The following EVI5 variants were observed in gnomAD, a reference collection of about 807,000 sequenced individuals.
EVI5 encodes the protein ecotropic viral integration site 5 protein homolog.
EVI5 carries 73 observed loss-of-function variants against 112.0 expected under a neutral mutation model. That is an observed-to-expected ratio of 0.65 (90% confidence interval 0.54 to 0.79). EVI5 has a LOEUF of 0.79. Ranked by LOEUF, EVI5 falls within the 30% of genes least tolerant of loss-of-function variation. EVI5 has a pLI of 0.00. For missense variants in EVI5, 900 were observed against 968.8 expected, an observed-to-expected ratio of 0.93 and a Z score of 0.94; for synonymous variants, 305 against 319.9, an observed-to-expected ratio of 0.95 and a Z score of 0.50.
At chr1:92,547,069 T>A (rs1304980321) in intron 19 of EVI5, among the ~76,000 whole-genome samples, 2 of 152,158 alleles carry the variant, frequency 1.3e-5, no homozygotes, top group Non-Finnish European at 2.9e-5. Context: ...CACTTCACAC[T>A]TATTCCAAAA....
intron 2 of EVI5, among the ~76,000 whole-genome samples, chr1:92,721,472 A>C (rs945183528): frequency 6.6e-6 from 1 of 152,174 alleles, no homozygotes; most frequent in Non-Finnish European, 1.5e-5. Flanking sequence ...GTGGGAATTG[A>C]ACAATGAAAA....
intron 1 of EVI5, among the ~76,000 whole-genome samples, chr1:92,780,708 T>C (rs777432214): frequency 2.5e-4 from 38 of 151,964 alleles, no homozygotes; most frequent in Non-Finnish European, 4.3e-4. Context: ...GACGTCTATA[T>C]AGAAAAAAGT....
chr1:92,661,564 TG>T (rs759989934), intron 13 of EVI5, among the ~76,000 whole-genome samples: 4 of 152,116 alleles, frequency 2.6e-5, no homozygotes, highest in East Asian at 1.9e-4. Context: ...AATCCACAAT[TG>T]TTTTTTTCTT....
chr1:92,659,673 G>T (rs565992425), intron 13 of EVI5, among the ~76,000 whole-genome samples: 1 of 152,082 alleles, frequency 6.6e-6, no homozygotes, highest in African/African-American at 2.4e-5. Flanking sequence ...TATGACAAAT[G>T]GTATGGAGAT....
intron 11 of EVI5, among the ~76,000 whole-genome samples, chr1:92,665,637 C>T (rs1041588787): frequency 2.6e-5 from 4 of 152,144 alleles, no homozygotes; most frequent in African/African-American, 9.7e-5. Flanking sequence ...TCAGAATGGA[C>T]TCCCAACTAA....
chr1:92,774,034 AAAAAAAAAAAC>A (rs1683796089), intron 1 of EVI5: 1 of 150,026 alleles, frequency 6.7e-6, no homozygotes, highest in African/African-American at 2.4e-5. Flanking sequence ...CTGTCTCCAA[AAAAAAAAAAAC>A]AAAAAAAAAC....
intron 13 of EVI5, among the ~76,000 whole-genome samples, chr1:92,642,598 A>G (rs1305737077): frequency 6.6e-6 from 1 of 152,256 alleles, no homozygotes. Flanking sequence ...TCTAAAATAC[A>G]TTATCTAGAA....
chr1:92,664,540 T>C (rs1476883939), intron 11 of EVI5, among the ~76,000 whole-genome samples: 1 of 149,564 alleles, frequency 6.7e-6, no homozygotes, highest in Non-Finnish European at 1.5e-5. Flanking sequence ...AGATATTTAG[T>C]GGGAAAAAAG....
chr1:92,569,125 C>A (rs1669933244), intron 18 of EVI5, among the ~76,000 whole-genome samples: 1 of 152,148 alleles, frequency 6.6e-6, no homozygotes, highest in South Asian at 2.1e-4. Context: ...GTTTTCTAAG[C>A]TGCTTATGTG....
chr1:92,706,805 C>G (rs995092362), intron 2 of EVI5, among the ~76,000 whole-genome samples: 1 of 152,194 alleles, frequency 6.6e-6, no homozygotes, highest in Admixed American at 6.5e-5. Context: ...TTTAAAGATA[C>G]TGTCCCTGCT....
At chr1:92,669,666 C>G (rs562899588) in intron 10 of EVI5, among the ~76,000 whole-genome samples, 25 of 150,812 alleles carry the variant, frequency 1.7e-4, no homozygotes, top group Non-Finnish European at 3.4e-4. Flanking sequence ...TTTGTTAGGT[C>G]CTATTCTATT....
intron 18 of EVI5, among the ~76,000 whole-genome samples, chr1:92,586,882 G>A (rs1455450859): frequency 6.6e-6 from 1 of 151,820 alleles, no homozygotes; most frequent in Non-Finnish European, 1.5e-5. Flanking sequence ...CCCCTTCACT[G>A]GAGAATGGTA....
At chr1:92,517,343 A>G (rs1660081354) in intron 19 of EVI5, among the ~76,000 whole-genome samples, 1 of 152,228 alleles carries the variant, frequency 6.6e-6, no homozygotes, top group African/African-American at 2.4e-5. Context: ...ACACTACATC[A>G]TTTTATATAC....
intron 5 of EVI5, 87 bp downstream of exon 5, chr1:92,702,054 A>G (rs2102533544): frequency 1.5e-6 from 1 of 664,254 alleles, no homozygotes; most frequent in Non-Finnish European, 2.6e-6. Flanking sequence ...ATCCACTTAC[A>G]TTTAATAAAA....
Position 92,567,702 on chromosome 1 carries a change from G to A in EVI5, c.2071-3965C>T, listed in dbSNP as rs561990003. Among the ~76,000 whole-genome samples the A allele has an allele frequency of 5.7e-4, 87 of 152,186 alleles. 1 individual carries two copies. The South Asian group carries it at 0.017, about 30-fold the overall frequency. ...CACACTGATGACATTGCCTAAGTAT[G>A]AATTTCTCAGAACATATTCTAGTTA... On this transcript the variant is annotated intron_variant, in intron 18 of 19. Coordinates refer to ENST00000684568, the MANE Select transcript of EVI5 (RefSeq NM_001350197.2).
In EVI5 at chr1:92,636,269, C is replaced by T. The variant is rs756320119; in HGVS notation, c.1460G>A (p.Arg487Gln). The T allele has an allele frequency of 9.9e-6, 16 of 1,613,300 alleles. No homozygotes were observed. In the East Asian group the frequency reaches 1.8e-4, roughly 18 times the overall value. ...LQLEKELVQA[R>Q]LSEAESQCAL... ...ACACTGAGACTCAGCTTCACTCAGT[C>T]GGGCTTGGACCAATTCCTTCTCTAG... Residue 487 changes from arginine (R) to glutamine (Q), a missense_variant, in exon 14 of 20, where the codon CGA (arginine) becomes CAA (glutamine). Transcript: ENST00000684568.
intron 19 of EVI5, among the ~76,000 whole-genome samples, chr1:92,550,781 A>AAAAAAAATAT (rs1557766166): frequency 1.5e-4 from 3 of 20,324 alleles, no homozygotes; most frequent in Non-Finnish European, 1.5e-4. Context: ...AAAAAAAAAA[A>AAAAAAAATAT]ATATATATAT....
At chr1:92,734,667 A>T (rs1008482960) in intron 2 of EVI5, among the ~76,000 whole-genome samples, 1 of 146,464 alleles carries the variant, frequency 6.8e-6, no homozygotes, top group Non-Finnish European at 1.5e-5. Flanking sequence ...TGGAATGCTC[A>T]AAGATAAATA....
chr1:92,707,872 G>A (rs1332090249), intron 2 of EVI5, among the ~76,000 whole-genome samples: 1 of 152,070 alleles, frequency 6.6e-6, no homozygotes, highest in Non-Finnish European at 1.5e-5. Context: ...AGAAAAATAA[G>A]TGATCAAATT....
Sources: allele counts gnomAD v4.1 joint callset (sites outside exome capture counted in the v4.1 genomes callset), GRCh38; gene constraint gnomAD v4.1.1; transcripts MANE v1.5; gene names NCBI Gene and HGNC (gene_info 2026-07-23, HGNC 2026-07-21).